The following ITPR3 variants were observed in gnomAD, a reference collection of about 807,000 sequenced individuals.
ITPR3 encodes inositol 1,4,5-trisphosphate-gated calcium channel ITPR3.
A neutral mutation model predicts 293.2 loss-of-function variants in ITPR3; 173 were observed. The ratio of observed to expected loss-of-function variants is 0.59; its 90% CI spans 0.52 to 0.67. The LOEUF (loss-of-function observed/expected upper bound fraction) is 0.67. Ranked by LOEUF, ITPR3 falls within the 30% of genes least tolerant of loss-of-function variation. The probability of loss-of-function intolerance (pLI) is 0.00; values close to 1 mark genes in which losing one functional copy is unlikely to be tolerated. For synonymous variants in ITPR3, 1,295 were observed against 1,444.4 expected (o/e 0.90, Z 2.35); for missense variants, 2,796 against 3,592.1 (o/e 0.78, Z 5.66).
rs117741271 is a variant in ITPR3 at position 33,666,349 on chromosome 6, G to A, written c.1551+373G>A. Among the ~76,000 whole-genome samples the A allele has an allele frequency of 6.5e-3, 980 of 150,660 alleles. 2 individuals carry two copies. Among genetic ancestry groups the A allele is most frequent in the Non-Finnish European group, 0.01 (698 of 67,976 alleles). ...ATCATCAAATATTGAGAAAGTATTG[G>A]AAGAATAGTACAGGGAACAAGGTGC... On this transcript the variant is annotated intron_variant, in intron 14 of 57. Coordinates refer to ENST00000605930, the MANE Select transcript of ITPR3 (RefSeq NM_002224.4). The surrounding 1 kb of genome is among the most constrained non-coding windows in gnomAD (Gnocchi z 5.1).
At position 33,679,391 on chromosome 6, in the gene ITPR3, A is replaced by G. The variant is rs758906707; in HGVS notation, c.3973-491A>G. On this transcript the variant is annotated intron_variant, in intron 30 of 57. Transcript: ENST00000605930. The surrounding 1 kb of genome is among the most constrained non-coding windows in gnomAD (Gnocchi z 4.2). ...CTGACAGTGTAGGCGGCAGGGGGAG[A>G]AAGAAGCAAACACTGAAGGGAGATT... is the stretch of plus-strand genomic sequence containing the variant. 1.3e-5 allele frequency among the ~76,000 whole-genome samples: 2 copies of G among 152,184 alleles called. No homozygotes were observed. Among genetic ancestry groups the G allele is most frequent in the African/African-American group, 2.4e-5 (1 of 41,428 alleles).
Position 33,688,380 on chromosome 6 carries a change from G to A in ITPR3, c.6517G>A (p.Asp2173Asn), listed in dbSNP as rs578183913. 1.0e-5 allele frequency: 14 copies of A among 1,393,798 alleles called. No homozygotes were observed. The highest frequency in any genetic ancestry group is 4.6e-5 in the African/African-American group (3 of 65,374). The allele number at this position is 1,393,798 out of a possible 1,614,324, so 86.3% of individuals were successfully genotyped here. A position where few individuals can be genotyped will look rare whatever the true frequency, so the allele number is the denominator to read the frequency against. Residue 2173 changes from aspartate to asparagine, a missense_variant, in exon 48 of 58, where the codon GAC (aspartate) becomes AAC (asparagine). Transcript: ENST00000605930. Reference protein sequence around the residue: ...EQGSKVSDFFDQSSFLHNEME... With the variant: ...EQGSKVSDFFNQSSFLHNEME... Reference sequence around the variant, plus strand: ...GGGCAGCAAAGTGAGCGACTTCTTCGACCAGTCCTCCTTCCTGCACAACGA... The same window carrying A: ...GGGCAGCAAAGTGAGCGACTTCTTCAACCAGTCCTCCTTCCTGCACAACGA...
At chr6:33,657,150 G>T (rs189710916) in intron 3 of ITPR3, among the ~76,000 whole-genome samples, 1 of 152,184 alleles carries the variant, frequency 6.6e-6, no homozygotes, top group South Asian at 2.1e-4. Flanking sequence ...CCTTCGCCTC[G>T]GTCTCAGTAA....
chr6:33,647,564 C>T (rs1476026755), intron 2 of ITPR3, among the ~76,000 whole-genome samples: 1 of 152,156 alleles, frequency 6.6e-6, no homozygotes, highest in East Asian at 1.9e-4. Flanking sequence ...CTCTCTGTTT[C>T]TATGAATTTG....
Position 33,670,988 on chromosome 6 carries a change from T to A in ITPR3, c.2586+173T>A. ...GGCTGGGATTCTCCAAGAGGCAGGC[T>A]CCTGTTCCAATGCCTGGGAAAGGGC... On this transcript the variant is annotated intron_variant, in intron 20 of 57. Coordinates refer to ENST00000605930, the MANE Select transcript of ITPR3 (RefSeq NM_002224.4). The surrounding 1 kb of genome is among the most constrained non-coding windows in gnomAD (Gnocchi z 6.7). 1 of 790,140 alleles carries A rather than the reference T, an allele frequency of 1.3e-6. No homozygotes were observed. The highest frequency in any genetic ancestry group is 1.5e-6 in the Non-Finnish European group (1 of 651,906). The allele number at this position is 790,140 out of a possible 1,614,324, so 48.9% of individuals were successfully genotyped here. A position where few individuals can be genotyped will look rare whatever the true frequency, so the allele number is the denominator to read the frequency against.
chr6:33,660,251 T>C (rs1337715708), intron 7 of ITPR3, among the ~76,000 whole-genome samples: 1 of 152,080 alleles, frequency 6.6e-6, no homozygotes, highest in Non-Finnish European at 1.5e-5. Flanking sequence ...TGTGAGGCTG[T>C]CCAGCTAGGG....
intron 2 of ITPR3, among the ~76,000 whole-genome samples, chr6:33,642,356 T>G (rs775979491): frequency 6.6e-6 from 1 of 151,954 alleles, no homozygotes; most frequent in Non-Finnish European, 1.5e-5. Context: ...GAGGCTAGAT[T>G]GCCATCTAGT....
chr6:33,684,953 GC>G lies in ITPR3; in HGVS notation c.5307+12del. 6.3e-7 allele frequency: 1 copy of G among 1,599,710 alleles called. No individual in the cohort carries two copies. The highest frequency in any genetic ancestry group is 8.5e-7 in the Non-Finnish European group (1 of 1,171,178). Reference sequence around the variant, plus strand: ...CAACACAGAGATCCAGGTGTGGGGGGCCTGGGGCCTGGACATGCCCTCCTTT... The same window carrying G: ...CAACACAGAGATCCAGGTGTGGGGGGCTGGGGCCTGGACATGCCCTCCTTT... On this transcript the variant is annotated intron_variant, in intron 39 of 57. Transcript: ENST00000605930. The surrounding 1 kb of genome is among the most constrained non-coding windows in gnomAD (Gnocchi z 4.2).
intron 23 of ITPR3, 110 bp downstream of exon 23, chr6:33,673,830 G>C: frequency 7.8e-7 from 1 of 1,283,920 alleles, no homozygotes; most frequent in South Asian, 1.4e-5. Context: ...GTCTGCAAAG[G>C]CCTTTTCTTT....
Position 33,695,923 on chromosome 6 carries a change from C to A in ITPR3, c.*143C>A. On this transcript the variant is annotated 3_prime_UTR_variant, in exon 58 of 58. Transcript: ENST00000605930. ...CTCTGCCAGACACCCTGACACCCACCCAGGCTTTGAAGAGCATGGAGGGGG... is the reference window on the plus strand; with the variant it reads ...CTCTGCCAGACACCCTGACACCCACACAGGCTTTGAAGAGCATGGAGGGGG... 2.8e-6 allele frequency: 2 copies of A among 723,226 alleles called. No homozygotes were observed. Among genetic ancestry groups the A allele is most frequent in the South Asian group, 1.7e-5 (1 of 59,672 alleles). 44.8% of individuals were successfully genotyped at this position (723,226 alleles called of 1,614,324 possible).
Position 33,677,390 on chromosome 6 carries a change from ACCT to A in ITPR3, c.3523-110_3523-108del, listed in dbSNP as rs763666274. 21 of 1,456,566 alleles carry A rather than the reference ACCT, an allele frequency of 1.4e-5. 1 individual carries two copies. Among genetic ancestry groups the A allele is most frequent in the East Asian group, 9.2e-5 (4 of 43,680 alleles). The allele number at this position is 1,456,566 out of a possible 1,614,324, so 90.2% of individuals were successfully genotyped here. A position where few individuals can be genotyped will look rare whatever the true frequency, so the allele number is the denominator to read the frequency against. The stretch of plus-strand genomic sequence containing the variant: ...GCAAGGGTCTGATTCAGCGCCTGTG[ACCT>A]CCTTCCCCCTTCCTGTCCCGGGTGC... On this transcript the variant is annotated intron_variant, in intron 27 of 57. Coordinates refer to ENST00000605930, the MANE Select transcript of ITPR3 (RefSeq NM_002224.4).
Position 33,682,774 on chromosome 6 carries a change from A to C in ITPR3, c.4597+130A>C. On this transcript the variant is annotated intron_variant, in intron 34 of 57. Coordinates refer to ENST00000605930, the MANE Select transcript of ITPR3 (RefSeq NM_002224.4). The surrounding 1 kb of genome is among the most constrained non-coding windows in gnomAD (Gnocchi z 5.4). ...TCCTGCTCCCAGGTGGTTGTCAGTA[A>C]GTTCTTCTTGGCGTCTGCCTCATCC... 8.1e-7 allele frequency: 1 copy of C among 1,241,400 alleles called. No homozygotes were observed. Among genetic ancestry groups the C allele is most frequent in the East Asian group, 3.0e-5 (1 of 33,152 alleles). The allele number at this position is 1,241,400 out of a possible 1,614,324, so 76.9% of individuals were successfully genotyped here.
At chr6:33,650,488 AG>A (rs1456660236) in intron 2 of ITPR3, among the ~76,000 whole-genome samples, 1 of 152,220 alleles carries the variant, frequency 6.6e-6, no homozygotes, top group Non-Finnish European at 1.5e-5. Context: ...GGGATGCTTC[AG>A]GGCAGTGTGT....
rs1764625421 is a variant in ITPR3, at chr6:33,666,948, G to C, written c.1552-181G>C. Among the ~76,000 whole-genome samples the C allele has an allele frequency of 6.6e-6, 1 of 152,194 alleles. No individual in the cohort carries two copies. The highest frequency in any genetic ancestry group is 1.5e-5 in the Non-Finnish European group (1 of 68,034). On this transcript the variant is annotated intron_variant, in intron 14 of 57. Coordinates refer to ENST00000605930, the MANE Select transcript of ITPR3 (RefSeq NM_002224.4). This position sits in a 1 kb window ranked among gnomAD's most constrained non-coding sequence, Gnocchi z 5.1. The stretch of plus-strand genomic sequence containing the variant: ...AGCTTCGGGATTCCAACAAGGAGTA[G>C]GGAGAGCTGGGGCTGAGGATGGCTG...
rs907128855 is a variant in ITPR3 at position 33,683,339 on chromosome 6, C to T, written c.4730C>T (p.Pro1577Leu). Residue 1577 changes from proline (P) to leucine (L), a missense_variant, in exon 35 of 58, where the codon CCC (proline) becomes CTC (leucine). Around this residue, in one of 8 missense-constraint regions of ITPR3, gnomAD observed 704 missense variants for 797.5 expected, o/e 0.88. Transcript: ENST00000605930. This position sits in a 1 kb window ranked among gnomAD's most constrained non-coding sequence, Gnocchi z 4.5. Reference protein sequence around the residue: ...SSYKATTRAFPRVTPTANQWD... With the variant: ...SSYKATTRAFLRVTPTANQWD... ...TACAAGGCAACCACGCGGGCCTTCC[C>T]CCGCGTCACCCCCACCGCCAACCAG... The T allele has an allele frequency of 6.3e-7, 1 of 1,595,394 alleles. No individual in the cohort carries two copies.
chr6:33,648,248 T>C (rs1183100337), intron 2 of ITPR3, among the ~76,000 whole-genome samples: 2 of 152,006 alleles, frequency 1.3e-5, no homozygotes, highest in African/African-American at 4.8e-5. Flanking sequence ...TAATTTTTTG[T>C]AGAGACGAGG....
At position 33,694,912 on chromosome 6, in the gene ITPR3, G is replaced by A. The variant is rs867075782; in HGVS notation, c.7786-12G>A. ...GCCCACGCCTGCTTAACCCACTGGT[G>A]ATGTTTTTCAGAACAAGAACCTGGA... is the stretch of plus-strand genomic sequence containing the variant. On this transcript the variant is annotated splice_polypyrimidine_tract_variant and intron_variant, in intron 56 of 57. Transcript: ENST00000605930. 1.2e-6 allele frequency: 2 copies of A among 1,614,102 alleles called. No individual in the cohort carries two copies. Among genetic ancestry groups the A allele is most frequent in the Middle Eastern group, 3.3e-4 (2 of 6,062 alleles).
Position 33,621,537 on chromosome 6 carries a change from C to T in ITPR3, c.-66C>T, listed in dbSNP as rs1582089722. Reference sequence around the variant, plus strand: ...CCCGCTCCCCGGACGCCTCAGTCCTCCGCACTGAGCTTGGCCACGCGCCCC... The same window carrying T: ...CCCGCTCCCCGGACGCCTCAGTCCTTCGCACTGAGCTTGGCCACGCGCCCC... On this transcript the variant is annotated 5_prime_UTR_variant, in exon 1 of 58. Transcript: ENST00000605930. The surrounding 1 kb of genome is among the most constrained non-coding windows in gnomAD (Gnocchi z 7.7). The T allele has an allele frequency of 8.3e-7, 1 of 1,204,360 alleles. No homozygotes were observed. Among genetic ancestry groups the T allele is most frequent in the East Asian group, 2.5e-5 (1 of 39,260 alleles). The allele number at this position is 1,204,360 out of a possible 1,614,324, so 74.6% of individuals were successfully genotyped here. A position where few individuals can be genotyped will look rare whatever the true frequency, so the allele number is the denominator to read the frequency against.
intron 2 of ITPR3, among the ~76,000 whole-genome samples, chr6:33,653,612 C>T (rs1764242221): frequency 6.6e-6 from 1 of 152,134 alleles, no homozygotes; most frequent in African/African-American, 2.4e-5. Flanking sequence ...AAATTTGTGC[C>T]TCTGTGTATA....
Sources: gnomAD v4.1 joint callset for allele counts (sites outside exome capture counted in the v4.1 genomes callset) on GRCh38, gnomAD v4.1.1 for gene constraint, gnomAD v4.1.1 regional missense constraint, Gnocchi (gnomAD v3.1) non-coding constraint, MANE v1.5 for transcripts, NCBI Gene and HGNC (gene_info 2026-07-23, HGNC 2026-07-21) for gene names.